OPCML: variants seen among roughly 807,000 people sequenced by gnomAD.
The protein encoded by OPCML is opioid-binding protein/cell adhesion molecule.
OPCML carries 13 observed loss-of-function variants against 37.8 expected under a neutral mutation model. That is an observed-to-expected ratio of 0.34 (90% CI 0.22 to 0.55). The LOEUF is 0.55. Among genes scored for constraint, OPCML ranks in the 20% least tolerant of loss-of-function variants. The pLI is 0.91. For missense variants in OPCML, 341 were observed against 435.6 expected (o/e 0.78, Z 1.93); for synonymous variants, 176 against 168.8 (o/e 1.04, Z -0.33).
chr11:132,720,001 G>C (rs1944623690), intron 2 of OPCML, among the ~76,000 whole-genome samples: 2 of 152,190 alleles, frequency 1.3e-5, no homozygotes, highest in African/African-American at 4.8e-5. Flanking sequence ...GATCCACCAA[G>C]GACCAGCAGA....
intron 1 of OPCML, among the ~76,000 whole-genome samples, chr11:133,499,406 C>T (rs182037442): frequency 1.4e-4 from 22 of 152,274 alleles, no homozygotes; most frequent in African/African-American, 2.6e-4. Context: ...CATTTCCAAT[C>T]GGGAAACAAA....
intron 2 of OPCML, among the ~76,000 whole-genome samples, chr11:132,917,296 CTTTT>C (rs1013370321): frequency 6.6e-6 from 1 of 152,142 alleles, no homozygotes; most frequent in South Asian, 2.1e-4. Flanking sequence ...TAGCTATGGC[CTTTT>C]TTTATCACTG....
intron 2 of OPCML, among the ~76,000 whole-genome samples, chr11:132,705,328 T>C (rs1192745647): frequency 1.3e-5 from 2 of 152,066 alleles, no homozygotes; most frequent in Non-Finnish European, 2.9e-5. Flanking sequence ...CTGTGGTTCA[T>C]GCCTGTCATC....
intron 2 of OPCML, among the ~76,000 whole-genome samples, chr11:132,679,716 A>T (rs1942858172): frequency 6.6e-6 from 1 of 152,230 alleles, no homozygotes; most frequent in Non-Finnish European, 1.5e-5. Context: ...AAAACAAACA[A>T]GGTGCACACT....
chr11:132,736,954 A>T (rs1945279190), intron 2 of OPCML, among the ~76,000 whole-genome samples: 1 of 152,196 alleles, frequency 6.6e-6, no homozygotes, highest in Non-Finnish European at 1.5e-5. Context: ...TAATTATTAC[A>T]ATTCCCTGAT....
chr11:132,588,073 G>A (rs1338765549), intron 3 of OPCML, among the ~76,000 whole-genome samples: 1 of 152,100 alleles, frequency 6.6e-6, no homozygotes, highest in East Asian at 1.9e-4. Context: ...AGCTCCTCAT[G>A]CCGTGAGATC....
intron 2 of OPCML, among the ~76,000 whole-genome samples, chr11:132,852,734 T>C (rs1941869265): frequency 6.6e-6 from 1 of 152,104 alleles, no homozygotes; most frequent in African/African-American, 2.4e-5. Flanking sequence ...GACTCCTGAG[T>C]ACACATTTTA....
chr11:132,907,735 A>G (rs1246990534), intron 2 of OPCML, among the ~76,000 whole-genome samples: 1 of 152,192 alleles, frequency 6.6e-6, no homozygotes, highest in Non-Finnish European at 1.5e-5. Flanking sequence ...CTGCTCTCTA[A>G]GTCCAGTAGA....
chr11:132,834,808 T>C (rs1342054353), intron 2 of OPCML, among the ~76,000 whole-genome samples: 2 of 152,114 alleles, frequency 1.3e-5, no homozygotes, highest in Non-Finnish European at 2.9e-5. Context: ...CTTCAACATA[T>C]CTTTTTGGGG....
intron 2 of OPCML, among the ~76,000 whole-genome samples, chr11:132,681,751 C>G (rs747549992): frequency 6.6e-6 from 1 of 151,950 alleles, no homozygotes; most frequent in Non-Finnish European, 1.5e-5. Context: ...GTCAGGAGAT[C>G]GAGACCATCC....
chr11:133,162,335 C>T (rs946750440), intron 1 of OPCML, among the ~76,000 whole-genome samples: 1 of 152,208 alleles, frequency 6.6e-6, no homozygotes, highest in Non-Finnish European at 1.5e-5. Flanking sequence ...GAGCAGGCAG[C>T]GGACTTTGCC....
chr11:132,622,984 C>T (rs1021216842), intron 3 of OPCML, among the ~76,000 whole-genome samples: 3 of 152,046 alleles, frequency 2.0e-5, no homozygotes, highest in Non-Finnish European at 4.4e-5. Flanking sequence ...GTCATTTAAA[C>T]GAGATAATGC....
chr11:132,788,446 A>G (rs1252674279), intron 2 of OPCML, among the ~76,000 whole-genome samples: 1 of 152,198 alleles, frequency 6.6e-6, no homozygotes, highest in Non-Finnish European at 1.5e-5. Context: ...ATATCTAAGG[A>G]TAACACAATC....
chr11:133,167,156 G>A (rs567678231), intron 1 of OPCML, among the ~76,000 whole-genome samples: 41 of 152,280 alleles, frequency 2.7e-4, no homozygotes, highest in African/African-American at 9.1e-4. Context: ...GGTGGCCGGC[G>A]CTGGAAGGCT....
At chr11:132,758,900 C>T (rs1946161459) in intron 2 of OPCML, among the ~76,000 whole-genome samples, 1 of 152,142 alleles carries the variant, frequency 6.6e-6, no homozygotes, top group Admixed American at 6.5e-5. Context: ...GGAATGTTTC[C>T]ATCTTTTGCC....
At chr11:133,046,062 G>C (rs984626518) in intron 1 of OPCML, among the ~76,000 whole-genome samples, 1 of 152,172 alleles carries the variant, frequency 6.6e-6, no homozygotes, top group African/African-American at 2.4e-5. Context: ...GAAAGCTGAG[G>C]TTTCTGCCTT....
At chr11:132,492,351 G>A (rs1008306940) in intron 4 of OPCML, among the ~76,000 whole-genome samples, 1 of 152,048 alleles carries the variant, frequency 6.6e-6, no homozygotes, top group Non-Finnish European at 1.5e-5. Flanking sequence ...ATGTGGTGGG[G>A]GTAGAGGTAG....
chr11:133,358,892 C>A (rs1409550916), intron 1 of OPCML, among the ~76,000 whole-genome samples: 3 of 151,978 alleles, frequency 2.0e-5, no homozygotes, highest in African/African-American at 7.3e-5. Context: ...GGTGCTGAAG[C>A]AGGTGTCTGA....
At chr11:133,018,176 T>C (rs1403172133) in intron 1 of OPCML, among the ~76,000 whole-genome samples, 1 of 152,196 alleles carries the variant, frequency 6.6e-6, no homozygotes, top group Non-Finnish European at 1.5e-5. Context: ...CTAGGGTTGT[T>C]ACTTTCCTTT....
Sources: allele counts gnomAD v4.1 joint callset (sites outside exome capture counted in the v4.1 genomes callset), GRCh38; gene constraint gnomAD v4.1.1; transcripts MANE v1.5; gene names NCBI Gene and HGNC (gene_info 2026-07-23, HGNC 2026-07-21).